Variants in PCGF6 observed in about 807,000 individuals in gnomAD.
The protein encoded by PCGF6 is polycomb group ring finger 6, also known as polycomb group RING finger protein 6.
In PCGF6, 24 loss-of-function variants were observed where a neutral mutation model predicts 45.5. The ratio of observed to expected loss-of-function variants is 0.53; its 90% CI spans 0.38 to 0.74. The LOEUF is 0.74. Ranked by LOEUF, PCGF6 falls within the 30% of genes least tolerant of loss-of-function variation. PCGF6 has a pLI of 0.00. For missense variants in PCGF6, 356 were observed against 443.2 expected (o/e 0.80, Z 1.77); for synonymous variants, 152 against 162.1 (o/e 0.94, Z 0.47).
chr10:103,332,330 A>C (rs1592068498), intron 7 of PCGF6, among the ~76,000 whole-genome samples: 1 of 152,228 alleles, frequency 6.6e-6, no homozygotes, highest in East Asian at 1.9e-4. Flanking sequence ...CCTAGGCTAG[A>C]GTGTAGTGAC....
intron 8 of PCGF6, among the ~76,000 whole-genome samples, chr10:103,316,624 G>A (rs1292521764): frequency 6.6e-6 from 1 of 152,122 alleles, no homozygotes; most frequent in African/African-American, 2.4e-5. Context: ...CATCTCAGGG[G>A]TCGGCAAACC....
At chr10:103,342,230 G>A (rs887593861) in intron 6 of PCGF6, among the ~76,000 whole-genome samples, 5 of 147,570 alleles carry the variant, frequency 3.4e-5, no homozygotes, top group Admixed American at 6.8e-5. Flanking sequence ...CACTGCACCC[G>A]GACTTTTTTT....
chr10:103,319,373 G>A (rs113555008), intron 8 of PCGF6, among the ~76,000 whole-genome samples: 12,921 of 151,792 alleles, frequency 0.085, 647 homozygotes, highest in Middle Eastern at 0.15. Context: ...GGATGGTCTC[G>A]ATCTCTTGAC....
Position 103,338,021 on chromosome 10 carries a change from G to A in PCGF6, c.783-4069C>T, listed in dbSNP as rs1213719606. 4.6e-5 allele frequency among the ~76,000 whole-genome samples: 2 copies of A among 43,494 alleles called. 1 individual carries two copies. Among genetic ancestry groups the A allele is most frequent in the Non-Finnish European group, 9.8e-5 (2 of 20,420 alleles). 28.5% of individuals were successfully genotyped at this position (43,494 alleles called of 152,430 possible). On this transcript the variant is annotated intron_variant, in intron 6 of 9. Transcript: ENST00000369847. ...GGAGCTTGCAGTGAGCCGAGATCCC[G>A]CCACTGCACTCCAGCCTGGGTGACA... is the stretch of plus-strand genomic sequence containing the variant.
intron 5 of PCGF6, among the ~76,000 whole-genome samples, chr10:103,346,789 C>T (rs1045160903): frequency 1.3e-5 from 2 of 152,220 alleles, no homozygotes; most frequent in African/African-American, 4.8e-5. Flanking sequence ...AGCAAAACTC[C>T]GTCTCAAAAT....
intron 5 of PCGF6, among the ~76,000 whole-genome samples, chr10:103,345,799 G>C (rs941059330): frequency 6.6e-6 from 1 of 151,624 alleles, no homozygotes; most frequent in African/African-American, 2.4e-5. Context: ...CTGCACTCCA[G>C]CCTAGGTGAC....
intron 8 of PCGF6, among the ~76,000 whole-genome samples, chr10:103,315,220 C>T (rs904494648): frequency 6.6e-5 from 10 of 152,150 alleles, no homozygotes; most frequent in Admixed American, 6.6e-4. Flanking sequence ...GGGTGTCACT[C>T]TGTCACTCAG....
intron 5 of PCGF6, among the ~76,000 whole-genome samples, chr10:103,346,736 G>A (rs1387965928): frequency 3.9e-5 from 6 of 152,180 alleles, no homozygotes; most frequent in East Asian, 1.9e-4. Flanking sequence ...TGGAGGTTGC[G>A]GTGAGCTGAG....
At chr10:103,340,192 A>ATATATATAT (rs1176186230) in intron 6 of PCGF6, among the ~76,000 whole-genome samples, 1 of 105,798 alleles carries the variant, frequency 9.5e-6, no homozygotes, top group African/African-American at 4.1e-5. Flanking sequence ...AAAAAAAAAA[A>ATATATATAT]AAAAAAATAT....
chr10:103,314,933 CCA>C (rs2093169181), intron 8 of PCGF6, among the ~76,000 whole-genome samples: 3 of 128,548 alleles, frequency 2.3e-5, no homozygotes, highest in Admixed American at 9.4e-5. Context: ...CCAGCCTGGG[CCA>C]CAGAGCGAGA....
intron 8 of PCGF6, among the ~76,000 whole-genome samples, chr10:103,324,568 CCAA>C (rs1458245550): frequency 6.7e-6 from 1 of 149,652 alleles, no homozygotes; most frequent in African/African-American, 2.5e-5. Context: ...GCCAGCCTGA[CCAA>C]CAACATGGTG....
At chr10:103,343,301 G>A (rs547105817) in intron 6 of PCGF6, among the ~76,000 whole-genome samples, 3 of 151,684 alleles carry the variant, frequency 2.0e-5, no homozygotes, top group East Asian at 1.9e-4. Flanking sequence ...GCACACACTA[G>A]ATAATAAATG....
At chr10:103,324,792 A>G (rs960245948) in intron 8 of PCGF6, among the ~76,000 whole-genome samples, 2 of 146,668 alleles carry the variant, frequency 1.4e-5, no homozygotes, top group Non-Finnish European at 3.0e-5. Flanking sequence ...AAAAAAAAAG[A>G]AAATATTACA....
rs759862305 is a variant in PCGF6 at position 103,303,973 on chromosome 10, A to T, written c.997-12T>A. 1.2e-6 allele frequency: 2 copies of T among 1,611,144 alleles called. No homozygotes were observed. Among genetic ancestry groups the T allele is most frequent in the Non-Finnish European group, 1.7e-6 (2 of 1,177,598 alleles). ...ACAAGCAGACCATCCTGAAAAGGGGAGAAAAAAAGACGATTTTGCAGTTCT... is the reference window on the plus strand; with the variant it reads ...ACAAGCAGACCATCCTGAAAAGGGGTGAAAAAAAGACGATTTTGCAGTTCT... On this transcript the variant is annotated splice_polypyrimidine_tract_variant and intron_variant, in intron 9 of 9. Coordinates refer to ENST00000369847, the MANE Select transcript of PCGF6 (RefSeq NM_001011663.2).
At chr10:103,318,268 C>T (rs2093183484) in intron 8 of PCGF6, among the ~76,000 whole-genome samples, 1 of 150,532 alleles carries the variant, frequency 6.6e-6, no homozygotes, top group South Asian at 2.1e-4. Context: ...CATGGCAAAA[C>T]CCTGTCTCTA....
chr10:103,336,593 G>A (rs1041535624), intron 6 of PCGF6, among the ~76,000 whole-genome samples: 7 of 152,096 alleles, frequency 4.6e-5, no homozygotes, highest in South Asian at 2.1e-4. Context: ...GCTTGCTTGC[G>A]GCCAGGTGCA....
At chr10:103,349,152 A>T (rs1156352897) in intron 1 of PCGF6, among the ~76,000 whole-genome samples, 153 bp from the exon 2 acceptor site, 2 of 151,664 alleles carry the variant, frequency 1.3e-5, no homozygotes, top group Admixed American at 1.3e-4. Context: ...GATTAAAGCG[A>T]TTCTCCTGTC....
At chr10:103,343,849 A>AAAAAAAAAAG (rs1193681673) in intron 6 of PCGF6, among the ~76,000 whole-genome samples, 8 of 150,320 alleles carry the variant, frequency 5.3e-5, no homozygotes, top group African/African-American at 1.9e-4. Context: ...AAAAAAAAAA[A>AAAAAAAAAAG]AGAAAGGTAT....
chr10:103,339,798 T>C, intron 6 of PCGF6, among the ~76,000 whole-genome samples: 1 of 96,210 alleles, frequency 1.0e-5, no homozygotes, highest in Non-Finnish European at 2.0e-5. Context: ...ATTCTGTCTG[T>C]CTCAAAAAAA....
Sources: gnomAD v4.1 joint callset for allele counts (sites outside exome capture counted in the v4.1 genomes callset) on GRCh38, gnomAD v4.1.1 for gene constraint, MANE v1.5 for transcripts, NCBI Gene and HGNC (gene_info 2026-07-23, HGNC 2026-07-21) for gene names.